Variants in NEGR1 observed in about 807,000 individuals in gnomAD.
NEGR1 encodes IgLON family member 4.
A neutral mutation model predicts 40.9 loss-of-function variants in NEGR1; 10 were observed. The ratio of observed to expected loss-of-function variants is 0.24; its 90% CI spans 0.15 to 0.42. NEGR1 has a LOEUF of 0.42. Ranked by LOEUF, NEGR1 falls within the 10% of genes least tolerant of loss-of-function variation. The pLI is 1.00. For synonymous variants in NEGR1, 185 were observed against 166.8 expected (o/e 1.11, Z -0.84); for missense variants, 352 against 438.9 (o/e 0.80, Z 1.77).
At chr1:71,966,451 T>TTAC (rs1414952088) in intron 1 of NEGR1, among the ~76,000 whole-genome samples, 1 of 152,064 alleles carries the variant, frequency 6.6e-6, no homozygotes, top group Non-Finnish European at 1.5e-5. Context: ...CCGGATAGAG[T>TTAC]TACTCTCAGC....
At chr1:71,418,325 A>T (rs1471665388) in intron 6 of NEGR1, among the ~76,000 whole-genome samples, 4 of 150,864 alleles carry the variant, frequency 2.7e-5, no homozygotes, top group South Asian at 2.1e-4. Flanking sequence ...TTATATATAT[A>T]TTTTTTGAGA....
At chr1:71,792,399 C>G (rs1052528684) in intron 2 of NEGR1, among the ~76,000 whole-genome samples, 3 of 152,102 alleles carry the variant, frequency 2.0e-5, no homozygotes, top group African/African-American at 7.2e-5. Context: ...ATATGTTTCT[C>G]AGTTGATGAG....
chr1:71,834,019 T>C (rs899069722), intron 2 of NEGR1, among the ~76,000 whole-genome samples: 1 of 152,138 alleles, frequency 6.6e-6, no homozygotes, highest in Non-Finnish European at 1.5e-5. Context: ...AGACAATTAA[T>C]AAATGTTTGT....
chr1:71,681,178 C>T (rs1336817845), intron 4 of NEGR1, among the ~76,000 whole-genome samples: 1 of 152,160 alleles, frequency 6.6e-6, no homozygotes, highest in Non-Finnish European at 1.5e-5. Flanking sequence ...TGATGTGTGT[C>T]ATTAACATTT....
At chr1:71,759,293 T>C (rs1179838529) in intron 3 of NEGR1, among the ~76,000 whole-genome samples, 1 of 125,712 alleles carries the variant, frequency 8.0e-6, no homozygotes, top group Admixed American at 8.0e-5. Flanking sequence ...ATAACTTTTT[T>C]TTTTTTTTTT....
At chr1:72,177,686 C>T (rs1238790724) in intron 1 of NEGR1, among the ~76,000 whole-genome samples, 2 of 151,760 alleles carry the variant, frequency 1.3e-5, no homozygotes, top group Non-Finnish European at 2.9e-5. Context: ...TTGTAGAATA[C>T]ATCTTTTTGT....
intron 5 of NEGR1, 24 bp downstream of exon 5, chr1:71,611,002 C>G (rs779095459): frequency 6.2e-7 from 1 of 1,611,792 alleles, no homozygotes; most frequent in East Asian, 2.2e-5. Flanking sequence ...GCTTAGAACA[C>G]AGTAATAATC....
At chr1:72,166,144 C>T (rs1298918186) in intron 1 of NEGR1, among the ~76,000 whole-genome samples, 1 of 151,864 alleles carries the variant, frequency 6.6e-6, no homozygotes, top group Non-Finnish European at 1.5e-5. Flanking sequence ...TTTCCCAAAA[C>T]ATACAGCCAG....
In NEGR1 at chr1:71,497,693, A is replaced by G. The variant is rs947892361; in HGVS notation, c.941-90123T>C. Among the ~76,000 whole-genome samples, 4 of 152,280 alleles carry G rather than the reference A, an allele frequency of 2.6e-5. No individual in the cohort carries two copies. In the East Asian group the frequency reaches 5.8e-4, roughly 22 times the overall value. On this transcript the variant is annotated intron_variant, in intron 6 of 6. Transcript: ENST00000357731. ...ATGCACAGTTGCAAAATTCAATTTTAGAAACACAACTTAAAAGGCTTATTT... is the reference window on the plus strand; with the variant it reads ...ATGCACAGTTGCAAAATTCAATTTTGGAAACACAACTTAAAAGGCTTATTT...
At chr1:72,054,265 G>C (rs1185112285) in intron 1 of NEGR1, among the ~76,000 whole-genome samples, 1 of 151,290 alleles carries the variant, frequency 6.6e-6, no homozygotes, top group Non-Finnish European at 1.5e-5. Flanking sequence ...CTCTGTTGCT[G>C]AGCAAATGAC....
chr1:71,555,309 G>T (rs1250808579), intron 6 of NEGR1, among the ~76,000 whole-genome samples: 1 of 151,522 alleles, frequency 6.6e-6, no homozygotes, highest in Non-Finnish European at 1.5e-5. Context: ...GGGCTAAGCA[G>T]CAAAGAATTC....
intron 1 of NEGR1, among the ~76,000 whole-genome samples, chr1:72,097,609 G>A (rs1161348271): frequency 1.3e-5 from 2 of 152,058 alleles, no homozygotes; most frequent in Admixed American, 6.6e-5. Flanking sequence ...CAAAATTTTA[G>A]ACTGTTTTCT....
At chr1:71,592,747 G>GT (rs1649543863) in intron 6 of NEGR1, 70 bp downstream of exon 6, 11 of 1,253,712 alleles carry the variant, frequency 8.8e-6, no homozygotes, top group Non-Finnish European at 1.2e-5. Flanking sequence ...CCATTCTTAG[G>GT]TTTTATCTCT....
chr1:71,465,790 A>G lies in NEGR1; in HGVS notation c.941-58220T>C, dbSNP rs565858034. 8.5e-5 allele frequency among the ~76,000 whole-genome samples: 13 copies of G among 152,194 alleles called. No individual in the cohort carries two copies. The East Asian group carries it at 2.5e-3, about 29-fold the overall frequency. On this transcript the variant is annotated intron_variant, in intron 6 of 6. Transcript: ENST00000357731. ...GAAGGACTCTGATCATACTAATGGC[A>G]TGATTGTAGCTGTACTTTAGGAAGA...
intron 6 of NEGR1, among the ~76,000 whole-genome samples, chr1:71,573,171 T>G (rs1279973564): frequency 6.6e-6 from 1 of 152,134 alleles, no homozygotes; most frequent in Non-Finnish European, 1.5e-5. Flanking sequence ...AGCAGAGATC[T>G]AGGACTGGTT....
At chr1:71,993,426 C>A (rs1353836204) in intron 1 of NEGR1, among the ~76,000 whole-genome samples, 1 of 152,106 alleles carries the variant, frequency 6.6e-6, no homozygotes, top group African/African-American at 2.4e-5. Context: ...TCTCTCTATG[C>A]ATAACTAAAC....
At position 72,191,026 on chromosome 1, in the gene NEGR1, T is replaced by C. The variant is rs945707125; in HGVS notation, c.176+91293A>G. Among the ~76,000 whole-genome samples, 5 of 146,978 alleles carry C rather than the reference T, an allele frequency of 3.4e-5. 1 individual carries two copies. The highest frequency in any genetic ancestry group is 1.2e-4 in the African/African-American group (5 of 40,726). ...TGTAAACAGTGGCTTAATTTTATAG[T>C]TTTTTTTTATGTTGGTAAAAGTTTT... On this transcript the variant is annotated intron_variant, in intron 1 of 6. Transcript: ENST00000357731.
intron 6 of NEGR1, among the ~76,000 whole-genome samples, chr1:71,566,611 G>A (rs1648626102): frequency 6.6e-6 from 1 of 152,094 alleles, no homozygotes; most frequent in Non-Finnish European, 1.5e-5. Context: ...TTTTAAACAT[G>A]GGTCAGCAAA....
At chr1:72,148,630 C>T (rs900275193) in intron 1 of NEGR1, among the ~76,000 whole-genome samples, 7 of 152,154 alleles carry the variant, frequency 4.6e-5, no homozygotes, top group African/African-American at 7.2e-5. Context: ...ACCCAAGTCA[C>T]CTTTCAAATG....
Sources: allele counts gnomAD v4.1 joint callset (sites outside exome capture counted in the v4.1 genomes callset), GRCh38; gene constraint gnomAD v4.1.1; transcripts MANE v1.5; gene names NCBI Gene and HGNC (gene_info 2026-07-23, HGNC 2026-07-21).